CCSER1: variants seen among roughly 807,000 people sequenced by gnomAD.
The protein encoded by CCSER1 is coiled-coil serine rich protein 1, also known as serine-rich coiled-coil domain-containing protein 1.
A neutral mutation model predicts 82.0 loss-of-function variants in CCSER1; 41 were observed. The ratio of observed to expected loss-of-function variants is 0.50; its 90% CI spans 0.39 to 0.65. The LOEUF (loss-of-function observed/expected upper bound fraction) is 0.65, where lower values mean the gene tolerates loss of function less well. Among genes scored for constraint, CCSER1 ranks in the 30% least tolerant of loss-of-function variants. The probability of loss-of-function intolerance (pLI) is 0.00; values close to 1 mark genes in which losing one functional copy is unlikely to be tolerated. For synonymous variants in CCSER1, 414 were observed against 383.9 expected, an observed-to-expected ratio of 1.08 and a Z score of -0.92; for missense variants, 1,119 against 1,064.2, an observed-to-expected ratio of 1.05 and a Z score of -0.72.
In CCSER1 at chr4:90,831,195, A is replaced by C. The variant is rs1761071061; in HGVS notation, c.2094+15350A>C. Among the ~76,000 whole-genome samples, 3 of 152,166 alleles carry C rather than the reference A, an allele frequency of 2.0e-5. No homozygotes were observed. In the South Asian group the frequency reaches 6.2e-4, roughly 32 times the overall value. ...ACTTCTTTATGTGTGATATGCGAAG[A>C]GATGCCATTATGGAGAAAGGAAGGT... On this transcript the variant is annotated intron_variant, in intron 8 of 10. Coordinates refer to ENST00000509176, the MANE Select transcript of CCSER1 (RefSeq NM_001145065.2).
At chr4:91,197,380 G>A (rs1735526442) in intron 10 of CCSER1, among the ~76,000 whole-genome samples, 1 of 152,168 alleles carries the variant, frequency 6.6e-6, no homozygotes, top group Non-Finnish European at 1.5e-5. Flanking sequence ...AGGCATTCTG[G>A]AACGGATTTA....
At chr4:90,525,134 T>A (rs1340423863) in intron 5 of CCSER1, among the ~76,000 whole-genome samples, 3 of 151,944 alleles carry the variant, frequency 2.0e-5, no homozygotes, top group Non-Finnish European at 4.4e-5. Flanking sequence ...AAAAAGCAAA[T>A]CTCATCAGAG....
chr4:90,347,293 GA>G (rs1313460510), intron 3 of CCSER1, among the ~76,000 whole-genome samples: 2 of 148,308 alleles, frequency 1.3e-5, no homozygotes, highest in Admixed American at 6.7e-5. Context: ...AACATTCAGT[GA>G]TAACTATTAA....
intron 1 of CCSER1, among the ~76,000 whole-genome samples, chr4:90,225,848 T>C (rs1342730790): frequency 1.3e-5 from 2 of 152,212 alleles, no homozygotes; most frequent in Non-Finnish European, 2.9e-5. Flanking sequence ...CCACAGATGC[T>C]TTGCTGCTTC....
intron 8 of CCSER1, among the ~76,000 whole-genome samples, chr4:90,911,979 T>C (rs1726462226): frequency 6.6e-6 from 1 of 152,166 alleles, no homozygotes; most frequent in Non-Finnish European, 1.5e-5. Context: ...CAAAGCAGCC[T>C]GGAAGCTGGA....
At chr4:91,178,429 T>C in intron 10 of CCSER1, among the ~76,000 whole-genome samples, 1 of 152,090 alleles carries the variant, frequency 6.6e-6, no homozygotes, top group African/African-American at 2.4e-5. Context: ...CCCATTATTA[T>C]TGTGTGAGAG....
At chr4:90,496,928 A>G (rs997119293) in intron 5 of CCSER1, among the ~76,000 whole-genome samples, 3 of 142,284 alleles carry the variant, frequency 2.1e-5, no homozygotes, top group Admixed American at 1.4e-4. Context: ...CAGTGAACCG[A>G]GATTGTGCCT....
chr4:90,473,776 C>T (rs886669113), intron 5 of CCSER1, among the ~76,000 whole-genome samples: 26 of 152,300 alleles, frequency 1.7e-4, no homozygotes, highest in African/African-American at 6.3e-4. Flanking sequence ...ATATTGGAGA[C>T]ATATCAAAGA....
chr4:90,890,824 ATTTAT>A (rs1222078507), intron 8 of CCSER1, among the ~76,000 whole-genome samples: 3 of 152,044 alleles, frequency 2.0e-5, no homozygotes, highest in African/African-American at 7.2e-5. Context: ...TAATATTTTG[ATTTAT>A]TTTGTTTTGG....
At chr4:90,976,883 G>A (rs765396659) in intron 9 of CCSER1, among the ~76,000 whole-genome samples, 2 of 151,408 alleles carry the variant, frequency 1.3e-5, no homozygotes, top group South Asian at 2.1e-4. Context: ...ATCCAAAACC[G>A]TTTGCCATTT....
intron 8 of CCSER1, among the ~76,000 whole-genome samples, chr4:90,907,354 A>G (rs553189656): frequency 1.3e-5 from 2 of 152,104 alleles, no homozygotes; most frequent in African/African-American, 4.8e-5. Flanking sequence ...TGTTTACACC[A>G]GGATGCTGCT....
chr4:91,498,489 G>A (rs2110088107), intron 10 of CCSER1, among the ~76,000 whole-genome samples: 1 of 151,430 alleles, frequency 6.6e-6, no homozygotes, highest in South Asian at 2.1e-4. Context: ...GTGACCTTGA[G>A]AATGTACATT....
intron 8 of CCSER1, among the ~76,000 whole-genome samples, chr4:90,861,455 A>C (rs1765076084): frequency 6.6e-6 from 1 of 151,822 alleles, no homozygotes; most frequent in African/African-American, 2.4e-5. Flanking sequence ...TTATTTAAAT[A>C]ACTGAGAGGT....
At chr4:90,159,010 G>A (rs193010034) in intron 1 of CCSER1, among the ~76,000 whole-genome samples, 1 of 151,950 alleles carries the variant, frequency 6.6e-6, no homozygotes, top group Non-Finnish European at 1.5e-5. Flanking sequence ...GTTCCTATTC[G>A]GCCATCTTGG....
At chr4:90,195,897 G>A (rs1343740800) in intron 1 of CCSER1, among the ~76,000 whole-genome samples, 2 of 152,066 alleles carry the variant, frequency 1.3e-5, no homozygotes, top group Non-Finnish European at 2.9e-5. Context: ...AATATGGGCA[G>A]TGTTTCAGTA....
At chr4:90,476,772 A>T (rs534764135) in intron 5 of CCSER1, among the ~76,000 whole-genome samples, 2 of 152,234 alleles carry the variant, frequency 1.3e-5, no homozygotes, top group African/African-American at 4.8e-5. Context: ...GTGAGTCATA[A>T]TATTTGGTCC....
chr4:90,317,179 TC>T (rs1736321841), intron 3 of CCSER1, among the ~76,000 whole-genome samples: 1 of 152,152 alleles, frequency 6.6e-6, no homozygotes, highest in African/African-American at 2.4e-5. Flanking sequence ...GAATTCTAAC[TC>T]TAAATATTTA....
At chr4:91,242,388 A>G (rs1318310537) in intron 10 of CCSER1, among the ~76,000 whole-genome samples, 3 of 152,146 alleles carry the variant, frequency 2.0e-5, no homozygotes, top group African/African-American at 7.2e-5. Context: ...CAAACACTAA[A>G]ATGACTCAAG....
Position 91,475,881 on chromosome 4 carries a change from G to T in CCSER1, c.2218-122691G>T, listed in dbSNP as rs576806154. 5.6e-4 allele frequency among the ~76,000 whole-genome samples: 85 copies of T among 151,904 alleles called. 1 individual carries two copies. The South Asian group carries it at 0.016, about 29-fold the overall frequency. On this transcript the variant is annotated intron_variant, in intron 10 of 10. Transcript: ENST00000509176. ...ATTTTTTTAGCTCCCACATATGAGT[G>T]AGAATGTGTGATATTTGTCTCTCTG...
Sources: gnomAD v4.1 joint callset for allele counts (sites outside exome capture counted in the v4.1 genomes callset) on GRCh38, gnomAD v4.1.1 for gene constraint, MANE v1.5 for transcripts, NCBI Gene and HGNC (gene_info 2026-07-23, HGNC 2026-07-21) for gene names.